The following NFKBIZ variants were observed in gnomAD, a reference collection of about 807,000 sequenced individuals.
NFKBIZ encodes NFKB inhibitor zeta.
In NFKBIZ, 19 loss-of-function variants were observed where a neutral mutation model predicts 76.8. The observed-to-expected ratio is 0.25, with a 90% CI of 0.17 to 0.36. NFKBIZ has a LOEUF of 0.36. Ranked by LOEUF, NFKBIZ falls within the 10% of genes least tolerant of loss-of-function variation. The pLI is 1.00. For missense variants in NFKBIZ, 829 were observed against 910.9 expected, an observed-to-expected ratio of 0.91 and a Z score of 1.16; for synonymous variants, 368 against 354.8, an observed-to-expected ratio of 1.04 and a Z score of -0.42.
chr3:101,858,484 G>C, intron 11 of NFKBIZ: 1 of 976,012 alleles, frequency 1.0e-6, no homozygotes, highest in Non-Finnish European at 1.2e-6. Flanking sequence ...TGTTTGTGGT[G>C]TGCAGTCATA....
chr3:101,852,007 G>A, intron 1 of NFKBIZ, 78 bp from the exon 2 acceptor site: 1 of 1,540,408 alleles, frequency 6.5e-7, no homozygotes. Flanking sequence ...TTAGGCAACA[G>A]CTATACTTTT....
Position 101,855,767 on chromosome 3 carries a change from C to T in NFKBIZ, c.1689C>T (p.His563=), listed in dbSNP as rs748433924. Residue 563 remains histidine (H), a synonymous_variant, in exon 9 of 12, where the codon CAC becomes CAT. Transcript: ENST00000326172. ...LTPLHCAVIA[H]NAVVHELQRN... is the part of the protein sequence containing the mutation. ...CCCTTCACTGTGCAGTCATAGCCCA[C>T]AATGCTGTGGTCCATGAACTCCAGA... The T allele has an allele frequency of 9.9e-6, 16 of 1,612,512 alleles. 1 individual carries two copies. In the South Asian group the frequency reaches 1.8e-4, roughly 18 times the overall value.
upstream of NFKBIZ, chr3:101,848,826 C>T (rs1053722962): frequency 7.9e-5 from 12 of 152,200 alleles, no homozygotes; most frequent in African/African-American, 2.9e-4. Flanking sequence ...ATGGCTGCAC[C>T]TAAAACATTA....
chr3:101,835,194 A>G (rs901945259), intron 2 of NFKBIZ, among the ~76,000 whole-genome samples: 6 of 152,212 alleles, frequency 3.9e-5, no homozygotes. Flanking sequence ...GAAATTAATT[A>G]AAGCTGGATG....
At chr3:101,844,434 GA>G (rs1942824616) in intron 2 of NFKBIZ, among the ~76,000 whole-genome samples, 1 of 152,174 alleles carries the variant, frequency 6.6e-6, no homozygotes, top group African/African-American at 2.4e-5. Context: ...CTGCTGCCTT[GA>G]TTTGTTTTAA....
chr3:101,857,661 A>G (rs1214278484), intron 11 of NFKBIZ: 2 of 985,374 alleles, frequency 2.0e-6, no homozygotes, highest in African/African-American at 1.7e-5. Context: ...GGGATTATCC[A>G]TAGACTCAAA....
chr3:101,844,919 A>C (rs78236657), upstream of NFKBIZ, among the ~76,000 whole-genome samples: 3,187 of 152,288 alleles, frequency 0.021, 110 homozygotes, highest in African/African-American at 0.074. Context: ...TCAAGTTTGA[A>C]AAGCTGTTCC....
chr3:101,838,897 C>T (rs376372014), intron 2 of NFKBIZ, among the ~76,000 whole-genome samples: 19 of 152,134 alleles, frequency 1.2e-4, no homozygotes, highest in African/African-American at 4.3e-4. Context: ...TATTTTACCT[C>T]GCTCTTTGAC....
chr3:101,829,051 A>G (rs981888489), intron 1 of NFKBIZ, among the ~76,000 whole-genome samples: 11 of 152,210 alleles, frequency 7.2e-5, no homozygotes, highest in African/African-American at 2.7e-4. Flanking sequence ...ACCACCCCGC[A>G]TAATCCCTGA....
chr3:101,851,913 G>T (rs1167688071), intron 1 of NFKBIZ, among the ~76,000 whole-genome samples, 172 bp from the exon 2 acceptor site: 1 of 152,220 alleles, frequency 6.6e-6, no homozygotes, highest in Non-Finnish European at 1.5e-5. Flanking sequence ...GGACCTTTGA[G>T]CAGAGCTCGG....
chr3:101,856,011 T>A, intron 9 of NFKBIZ, 109 bp downstream of exon 9: 1 of 1,104,456 alleles, frequency 9.1e-7, no homozygotes, highest in Non-Finnish European at 1.3e-6. Context: ...TTTCTGAAAT[T>A]AATGGTGTGA....
At chr3:101,852,022 T>C in intron 1 of NFKBIZ, 63 bp from the exon 2 acceptor site, 4 of 1,571,938 alleles carry the variant, frequency 2.5e-6, no homozygotes, top group Admixed American at 1.9e-5. Flanking sequence ...ACTTTTGGGA[T>C]TATTAACGTT....
At chr3:101,836,487 T>G (rs1046602458) in intron 2 of NFKBIZ, among the ~76,000 whole-genome samples, 1 of 152,224 alleles carries the variant, frequency 6.6e-6, no homozygotes, top group Non-Finnish European at 1.5e-5. Flanking sequence ...CCCAGTAGAA[T>G]GTAAGCTCTG....
At chr3:101,857,919 T>C (rs1302507488) in intron 11 of NFKBIZ, 1 of 849,008 alleles carries the variant, frequency 1.2e-6, no homozygotes, top group Non-Finnish European at 1.4e-6. Context: ...ATTATTTCTG[T>C]CTATGAAGTG....
At chr3:101,839,094 C>A (rs746470589) in intron 2 of NFKBIZ, among the ~76,000 whole-genome samples, 351 of 152,112 alleles carry the variant, frequency 2.3e-3, no homozygotes, top group Middle Eastern at 0.014. Flanking sequence ...ATGATATAAG[C>A]TGATTTCTCC....
At chr3:101,850,123 C>G (rs1942928608) in intron 1 of NFKBIZ, 1 of 457,938 alleles carries the variant, frequency 2.2e-6, no homozygotes, top group Non-Finnish European at 3.6e-6. Flanking sequence ...GAACCGGCTC[C>G]CTCCCGCGGG....
chr3:101,829,370 C>A (rs2107389185), intron 1 of NFKBIZ, among the ~76,000 whole-genome samples: 1 of 152,314 alleles, frequency 6.6e-6, no homozygotes, highest in South Asian at 2.1e-4. Context: ...CAGATACAGA[C>A]TTTTCCTCAC....
chr3:101,847,516 A>G (rs774713028), upstream of NFKBIZ, among the ~76,000 whole-genome samples: 1 of 152,206 alleles, frequency 6.6e-6, no homozygotes, highest in South Asian at 2.1e-4. Flanking sequence ...TTTGAACATT[A>G]TGGAATGCAC....
In NFKBIZ at chr3:101,834,347, C is replaced by CTTCCTTTCCCTT. The variant is rs970764786; in HGVS notation, c.-12+4673_-12+4684dup. ...CTCTCTCCTTCTCTTTCCTTCCTTC[C>CTTCCTTTCCCTT]TTCCTTTCCCTTTTCCTTTCCCTTT... is the stretch of plus-strand genomic sequence containing the variant. On this transcript the variant is annotated intron_variant, in intron 2 of 12. Coordinates refer to the NFKBIZ transcript ENST00000394054. Among the ~76,000 whole-genome samples, 9 of 151,512 alleles carry CTTCCTTTCCCTT rather than the reference C, an allele frequency of 5.9e-5. No individual in the cohort carries two copies. The East Asian group carries it at 1.7e-3, about 29-fold the overall frequency.
Sources: gnomAD v4.1 joint callset for allele counts (sites outside exome capture counted in the v4.1 genomes callset) on GRCh38, gnomAD v4.1.1 for gene constraint, MANE v1.5 for transcripts, NCBI Gene and HGNC (gene_info 2026-07-23, HGNC 2026-07-21) for gene names.